The following PLCB3 variants were observed in gnomAD, a reference collection of about 807,000 sequenced individuals.
PLCB3 encodes the protein phospholipase C beta 3.
Under a neutral mutation model 152.1 loss-of-function variants are expected in PLCB3, and 54 were observed. The ratio of observed to expected loss-of-function variants is 0.36; its 90% CI spans 0.29 to 0.45. The LOEUF is 0.45. PLCB3 is among the 20% of genes least tolerant of loss of function. The pLI is 1.00. For missense variants in PLCB3, 1,248 were observed against 1,687.5 expected, an observed-to-expected ratio of 0.74 and a Z score of 4.56; for synonymous variants, 717 against 698.7, an observed-to-expected ratio of 1.03 and a Z score of -0.41.
chr11:64,256,070 G>C (rs1313939001), intron 8 of PLCB3, among the ~76,000 whole-genome samples: 1 of 152,302 alleles, frequency 6.6e-6, no homozygotes, highest in East Asian at 1.9e-4. Flanking sequence ...ACTCTGCAAT[G>C]GGGTCCAAGC....
chr11:64,264,229 GC>G (rs35957039), intron 22 of PLCB3, 117 bp downstream of exon 22: 5 of 628,330 alleles, frequency 8.0e-6, no homozygotes, highest in Non-Finnish European at 1.3e-5. Context: ...AGGCTTGGCA[GC>G]CCTGGGATTT....
chr11:64,268,779 C>T (rs2032271396), downstream of PLCB3: 1 of 152,342 alleles, frequency 6.6e-6, no homozygotes, highest in Non-Finnish European at 1.5e-5. Context: ...CTGCATCCCT[C>T]CTCCAGGGGA....
In PLCB3 at chr11:64,267,807, C is replaced by T. The variant is rs562553902; in HGVS notation, c.*251C>T. On this transcript the variant is annotated 3_prime_UTR_variant, in exon 31 of 31. Coordinates refer to ENST00000279230, the MANE Select transcript of PLCB3 (RefSeq NM_000932.5). The surrounding 1 kb of genome is among the most constrained non-coding windows in gnomAD (Gnocchi z 5.2). ...ACCCACACCCTCGAGCTAGCAGCGT[C>T]TCCTCCCTTCCCCGGGAGAGCTGGC... The T allele has an allele frequency of 5.3e-5, 24 of 452,508 alleles. No individual in the cohort carries two copies. Among genetic ancestry groups the T allele is most frequent in the African/African-American group, 4.7e-4 (23 of 48,836 alleles). 28.0% of individuals were successfully genotyped at this position (452,508 alleles called of 1,614,324 possible).
rs1303525855 is a variant in PLCB3 at position 64,266,444 on chromosome 11, A to G, written c.3356+40A>G. 3.1e-6 allele frequency: 5 copies of G among 1,600,778 alleles called. No homozygotes were observed. In the South Asian group the frequency reaches 5.5e-5, roughly 18 times the overall value. On this transcript the variant is annotated intron_variant, in intron 28 of 30. Coordinates refer to ENST00000279230, the MANE Select transcript of PLCB3 (RefSeq NM_000932.5). This position sits in a 1 kb window ranked among gnomAD's most constrained non-coding sequence, Gnocchi z 4.9. ...ACCGGGGGCCATCTGGGTACTGGGG[A>G]GGCAGGGCAGGTGTCTGGGCCCCGA...
At chr11:64,264,900 G>C (rs1345728314) in intron 22 of PLCB3, 51 bp from the exon 23 acceptor site, 6 of 1,596,304 alleles carry the variant, frequency 3.8e-6, no homozygotes, top group Non-Finnish European at 4.3e-6. Flanking sequence ...GGACAGAAGG[G>C]TCTGGAGGGA....
At chr11:64,259,266 C>A (rs749648869) in intron 13 of PLCB3, 22 bp downstream of exon 13, 1 of 1,483,384 alleles carries the variant, frequency 6.7e-7, no homozygotes. Flanking sequence ...CCCGGCCCGC[C>A]ACCCTGACTT....
intron 13 of PLCB3, 52 bp from the exon 14 acceptor site, chr11:64,259,977 C>G: frequency 6.7e-7 from 1 of 1,496,640 alleles, no homozygotes; most frequent in Non-Finnish European, 9.2e-7. Flanking sequence ...TCCAGACTTC[C>G]TAAGCAGCTG....
At chr11:64,259,987 G>A (rs962359593) in intron 13 of PLCB3, 42 bp from the exon 14 acceptor site, 4 of 1,540,936 alleles carry the variant, frequency 2.6e-6, no homozygotes, top group Admixed American at 1.8e-5. Context: ...CTAAGCAGCT[G>A]TGTGGTCCTG....
chr11:64,265,829 C>T (rs2032087429), intron 25 of PLCB3, 57 bp from the exon 26 acceptor site: 3 of 1,579,580 alleles, frequency 1.9e-6, no homozygotes, highest in Non-Finnish European at 1.7e-6. Flanking sequence ...TACACACCCT[C>T]CCCATCCCAG....
At position 64,255,479 on chromosome 11, in the gene PLCB3, C is replaced by T; in HGVS notation, c.521+30C>T. The T allele has an allele frequency of 6.2e-7, 1 of 1,614,098 alleles. No individual in the cohort carries two copies. The highest frequency in any genetic ancestry group is 8.5e-7 in the Non-Finnish European group (1 of 1,179,946). On this transcript the variant is annotated intron_variant, in intron 6 of 30. Transcript: ENST00000279230. The surrounding 1 kb of genome is among the most constrained non-coding windows in gnomAD (Gnocchi z 6.8). Reference sequence around the variant, plus strand: ...GCACCCCTTCCCCCAGCACCTTCCTCCTGCCCTGACCTTGGTGACCTTTGT... The same window carrying T: ...GCACCCCTTCCCCCAGCACCTTCCTTCTGCCCTGACCTTGGTGACCTTTGT...
chr11:64,260,305 T>TCTGA, intron 14 of PLCB3, 71 bp downstream of exon 14: 1 of 1,103,656 alleles, frequency 9.1e-7, no homozygotes, highest in East Asian at 2.6e-5. Flanking sequence ...GGTCTGACCA[T>TCTGA]CAACAAGACT....
In PLCB3 at chr11:64,264,988, C is replaced by T. The variant is rs2032035104; in HGVS notation, c.2690C>T (p.Ser897Phe). Residue 897 changes from serine to phenylalanine, a missense_variant, in exon 23 of 31, where the codon TCT (serine) becomes TTT (phenylalanine). Around this residue, in one of 6 missense-constraint regions of PLCB3, gnomAD observed 477 missense variants for 489.6 expected, o/e 0.97. Coordinates refer to ENST00000279230, the MANE Select transcript of PLCB3 (RefSeq NM_000932.5). ...CAAGAGACGTGCCAGGACACCCAGTCTCAGCAGCTGGGGTCTCAGCCGTCC... is the reference window on the plus strand; with the variant it reads ...CAAGAGACGTGCCAGGACACCCAGTTTCAGCAGCTGGGGTCTCAGCCGTCC... Reference protein sequence around the residue: ...AGQETCQDTQSQQLGSQPSSN... With the variant: ...AGQETCQDTQFQQLGSQPSSN... The T allele has an allele frequency of 6.2e-7, 1 of 1,612,290 alleles. No individual in the cohort carries two copies. Among genetic ancestry groups the T allele is most frequent in the African/African-American group, 1.3e-5 (1 of 74,944 alleles).
At position 64,258,443 on chromosome 11, in the gene PLCB3, G is replaced by A. The variant is rs773924319; in HGVS notation, c.1013-30G>A. On this transcript the variant is annotated intron_variant, in intron 10 of 30. Coordinates refer to ENST00000279230, the MANE Select transcript of PLCB3 (RefSeq NM_000932.5). The surrounding 1 kb of genome is among the most constrained non-coding windows in gnomAD (Gnocchi z 7.2). ...GTGGTGAGGAGCTGGGCTGGTGGGC[G>A]GCCTCGGTGACAGAGCCTCGCCGCC... The A allele has an allele frequency of 1.1e-5, 17 of 1,604,438 alleles. No individual in the cohort carries two copies. The highest frequency in any genetic ancestry group is 6.7e-5 in the African/African-American group (5 of 74,774).
Position 64,255,508 on chromosome 11 carries a change from C to T in PLCB3, c.522-33C>T, listed in dbSNP as rs371964639. The T allele has an allele frequency of 6.1e-5, 98 of 1,614,028 alleles. No homozygotes were observed. Among genetic ancestry groups the T allele is most frequent in the Middle Eastern group, 1.6e-4 (1 of 6,062 alleles). On this transcript the variant is annotated intron_variant, in intron 6 of 30. Transcript: ENST00000279230. The surrounding 1 kb of genome is among the most constrained non-coding windows in gnomAD (Gnocchi z 6.8). ...CCCTGACCTTGGTGACCTTTGTCCT[C>T]CACTGACCCTGAACCCCTCCTGCCC...
rs2032201734 is a variant in PLCB3, at chr11:64,267,753, G to A, written c.*197G>A. ...TTCCTGCCCTCAGTCTTAGGTTAGGGCCTTGGTCAGGGCTTTGCTCCCTGT... is the reference window on the plus strand; with the variant it reads ...TTCCTGCCCTCAGTCTTAGGTTAGGACCTTGGTCAGGGCTTTGCTCCCTGT... On this transcript the variant is annotated 3_prime_UTR_variant, in exon 31 of 31. Transcript: ENST00000279230. The surrounding 1 kb of genome is among the most constrained non-coding windows in gnomAD (Gnocchi z 5.2). 5.3e-6 allele frequency: 3 copies of A among 569,432 alleles called. No individual in the cohort carries two copies. The highest frequency in any genetic ancestry group is 9.2e-6 in the Non-Finnish European group (3 of 325,930). 35.3% of individuals were successfully genotyped at this position (569,432 alleles called of 1,614,324 possible).
Position 64,255,413 on chromosome 11 carries a change from T to A in PLCB3, c.485T>A (p.Leu162Gln). 2 of 1,614,174 alleles carry A rather than the reference T, an allele frequency of 1.2e-6. No individual in the cohort carries two copies. The highest frequency in any genetic ancestry group is 1.7e-6 in the Non-Finnish European group (2 of 1,180,024). The change falls in exon 6 of 31, where the codon CTG becomes CAG. Residue 162 changes from leucine (L) to glutamine (Q), a missense_variant. Coordinates refer to ENST00000279230, the MANE Select transcript of PLCB3 (RefSeq NM_000932.5). This position sits in a 1 kb window ranked among gnomAD's most constrained non-coding sequence, Gnocchi z 6.8. ...FLRKAYTKLK[L>Q]QVNQDGRIPV... The stretch of plus-strand genomic sequence containing the variant: ...CTTCCCAGATACACGAAGCTGAAGC[T>A]GCAGGTGAACCAGGATGGTCGGATC...
rs751880650 is a variant in PLCB3 at position 64,254,901 on chromosome 11, C to G, written c.250C>G (p.Pro84Ala). 3.1e-6 allele frequency: 5 copies of G among 1,607,514 alleles called. No homozygotes were observed. The highest frequency in any genetic ancestry group is 4.3e-6 in the Non-Finnish European group (5 of 1,175,702). Residue 84 changes from proline to alanine, a missense_variant, in exon 4 of 31, where the codon CCC (proline) becomes GCC (alanine). Physicochemically the swap from Pro to Ala is conservative, Grantham distance 27. Coordinates refer to ENST00000279230, the MANE Select transcript of PLCB3 (RefSeq NM_000932.5). ...TGRYARLPKD[P>A]KIREVLGFGG... ...CCCTTCGCTGTCACCTACTCAGGAC[C>G]CCAAGATCCGGGAAGTTCTGGGCTT...
intron 1 of PLCB3, 112 bp downstream of exon 1, chr11:64,251,860 C>T (rs1181451644): frequency 1.8e-6 from 1 of 544,954 alleles, no homozygotes; most frequent in Non-Finnish European, 3.0e-6. Flanking sequence ...CCACCCTCAT[C>T]CCAGTCTGGC....
chr11:64,258,036 C>A lies in PLCB3; in HGVS notation c.1013-437C>A, dbSNP rs1482869282. Among the ~76,000 whole-genome samples the A allele has an allele frequency of 1.3e-5, 2 of 151,972 alleles. No homozygotes were observed. The highest frequency in any genetic ancestry group is 2.9e-5 in the Non-Finnish European group (2 of 67,978). ...AGGCATGGTGGTGGGCAACTGTAAT[C>A]CCAGCTACTCGGGAGGCTGAGGCAG... is the stretch of plus-strand genomic sequence containing the variant. On this transcript the variant is annotated intron_variant, in intron 10 of 30. Coordinates refer to ENST00000279230, the MANE Select transcript of PLCB3 (RefSeq NM_000932.5). This position sits in a 1 kb window ranked among gnomAD's most constrained non-coding sequence, Gnocchi z 7.2.
Sources: gnomAD v4.1 joint callset for allele counts (sites outside exome capture counted in the v4.1 genomes callset) on GRCh38, gnomAD v4.1.1 for gene constraint, gnomAD v4.1.1 regional missense constraint, Gnocchi (gnomAD v3.1) non-coding constraint, MANE v1.5 for transcripts, NCBI Gene and HGNC (gene_info 2026-07-23, HGNC 2026-07-21) for gene names.